The following KCNMB3 variants were observed in gnomAD, a reference collection of about 807,000 sequenced individuals.
KCNMB3 encodes calcium-activated potassium channel subunit beta-3.
KCNMB3 carries 18 observed loss-of-function variants against 11.9 expected under a neutral mutation model. The observed-to-expected ratio is 1.51, with a 90% CI of 1.04 to 2.23. The LOEUF is 2.23. KCNMB3 is among the 30% of genes most tolerant of loss of function. KCNMB3 has a pLI of 0.00. For synonymous variants in KCNMB3, 78 were observed against 119.2 expected, an observed-to-expected ratio of 0.65 and a Z score of 2.25; for missense variants, 247 against 329.4, an observed-to-expected ratio of 0.75 and a Z score of 1.94.
intron 1 of KCNMB3, among the ~76,000 whole-genome samples, chr3:179,263,088 T>G (rs570977268): frequency 6.6e-6 from 1 of 152,290 alleles, no homozygotes; most frequent in East Asian, 1.9e-4. Context: ...TGGGACTGGG[T>G]GCCGTGGAGC....
intron 1 of KCNMB3, among the ~76,000 whole-genome samples, chr3:179,263,199 C>T (rs376315203): frequency 4.6e-5 from 7 of 152,218 alleles, no homozygotes; most frequent in East Asian, 3.9e-4. Flanking sequence ...CCCTGCCCCG[C>T]GGGGAGGCAC....
chr3:179,239,779 T>C (rs1381336919), downstream of KCNMB3: 2 of 418,580 alleles, frequency 4.8e-6, no homozygotes, highest in African/African-American at 4.1e-5. Context: ...TATTTCTCTA[T>C]ATTTTGTCAT....
chr3:179,262,019 C>A (rs899616240), intron 1 of KCNMB3, among the ~76,000 whole-genome samples: 6 of 152,092 alleles, frequency 3.9e-5, no homozygotes, highest in Non-Finnish European at 4.4e-5. Flanking sequence ...TCAATTCACA[C>A]GGAAAATGTA....
upstream of KCNMB3, among the ~76,000 whole-genome samples, chr3:179,255,531 T>C (rs985810992): frequency 6.6e-6 from 1 of 152,136 alleles, no homozygotes; most frequent in South Asian, 2.1e-4. Context: ...AGCCAGAGTA[T>C]AATACAGAGA....
At chr3:179,263,217 C>G (rs1280539802) in intron 1 of KCNMB3, among the ~76,000 whole-genome samples, 1 of 152,238 alleles carries the variant, frequency 6.6e-6, no homozygotes, top group African/African-American at 2.4e-5. Context: ...CACCTAAGGC[C>G]CTGTGAGAAA....
Position 179,243,112 on chromosome 3 carries a change from A to AAGAT in KCNMB3, c.616_619dup (p.Phe207TyrfsTer33), listed in dbSNP as rs1725513392. On this transcript the variant is annotated frameshift_variant, in exon 3 of 3. Transcript: ENST00000392685. LOFTEE classifies it low-confidence loss of function (END_TRUNC). ...CAGTGAAGGCCAAAATAAACAGTGG[A>AAGAT]AGATAGCCATTTGGTCATACTTTTT... is the stretch of plus-strand genomic sequence containing the variant. The AAGAT allele has an allele frequency of 6.5e-7, 1 of 1,545,572 alleles. No individual in the cohort carries two copies. Among genetic ancestry groups the AAGAT allele is most frequent in the Non-Finnish European group, 8.8e-7 (1 of 1,138,638 alleles).
intron 1 of KCNMB3, among the ~76,000 whole-genome samples, chr3:179,258,076 G>A (rs1222011847): frequency 6.6e-6 from 1 of 152,048 alleles, no homozygotes; most frequent in Non-Finnish European, 1.5e-5. Flanking sequence ...CGTAGAGACA[G>A]GGTTTCACCA....
intron 1 of KCNMB3, chr3:179,260,243 C>G: frequency 6.2e-7 from 1 of 1,613,910 alleles, no homozygotes; most frequent in African/African-American, 1.3e-5. Context: ...GAGTTCTGGT[C>G]CTGTCATCTG....
At chr3:179,255,268 G>A (rs185487527), upstream of KCNMB3, among the ~76,000 whole-genome samples, 75 of 151,424 alleles carry the variant, frequency 5.0e-4, no homozygotes, top group Middle Eastern at 3.4e-3. Context: ...ACCACAAAAT[G>A]AGATCCACGA....
chr3:179,254,612 C>T (rs1725951954), upstream of KCNMB3, among the ~76,000 whole-genome samples: 1 of 151,952 alleles, frequency 6.6e-6, no homozygotes, highest in South Asian at 2.1e-4. Flanking sequence ...AGATCGAGAC[C>T]ATCCTGGCCT....
rs757212726 is a variant in KCNMB3, at chr3:179,257,303, T to C, written c.63-6369A>G. ...TATTTCAATTACATAATAACACTTATGTTTTCCTCAAATTTTAATGAGGAT... is the reference window on the plus strand; with the variant it reads ...TATTTCAATTACATAATAACACTTACGTTTTCCTCAAATTTTAATGAGGAT... On this transcript the variant is annotated intron_variant, in intron 1 of 3. Coordinates refer to the KCNMB3 transcript ENST00000349697. Among the ~76,000 whole-genome samples, 38 of 152,252 alleles carry C rather than the reference T, an allele frequency of 2.5e-4. 1 individual carries two copies. The highest frequency in any genetic ancestry group is 1.0e-3 in the South Asian group (5 of 4,830).
intron 1 of KCNMB3, among the ~76,000 whole-genome samples, chr3:179,249,813 A>T (rs1268207984): frequency 2.6e-5 from 4 of 152,244 alleles, no homozygotes; most frequent in Non-Finnish European, 5.9e-5. Flanking sequence ...GTTCTCACTT[A>T]AAAGTGGGAG....
chr3:179,263,368 C>G (rs1042940592), intron 1 of KCNMB3, among the ~76,000 whole-genome samples: 28 of 152,374 alleles, frequency 1.8e-4, no homozygotes, highest in African/African-American at 6.7e-4. Context: ...GCGCACAGCC[C>G]GGGTTCCCGC....
At chr3:179,239,892 AT>A (rs1198669175), downstream of KCNMB3, 7 of 673,782 alleles carry the variant, frequency 1.0e-5, no homozygotes, top group Non-Finnish European at 1.7e-5. Flanking sequence ...AGCAAGATGC[AT>A]GTGTTACTAT....
At chr3:179,245,081 A>C (rs1370070507) in intron 1 of KCNMB3, among the ~76,000 whole-genome samples, 2 of 152,204 alleles carry the variant, frequency 1.3e-5, no homozygotes, top group Non-Finnish European at 2.9e-5. Flanking sequence ...AGGAATCTTT[A>C]ATAGTATTTA....
At position 179,250,606 on chromosome 3, in the gene KCNMB3, G is replaced by C. The variant is rs542157718; in HGVS notation, c.248+137C>G. On this transcript the variant is annotated intron_variant, in intron 1 of 2. Transcript: ENST00000392685. ...TGCCCCCAGCACTGACAGCGGAAGA[G>C]GAATTGTATTTTTCTTTTTCTAGAC... 2.4e-4 allele frequency: 216 copies of C among 897,848 alleles called. 1 individual carries two copies. In the East Asian group the frequency reaches 5.2e-3, roughly 22 times the overall value. 55.6% of individuals were successfully genotyped at this position (897,848 alleles called of 1,614,324 possible).
intron 1 of KCNMB3, chr3:179,260,040 A>G: frequency 6.2e-7 from 1 of 1,612,138 alleles, no homozygotes; most frequent in Non-Finnish European, 8.5e-7. Context: ...ACTATGCCCT[A>G]TGCTTGTCTC....
chr3:179,242,387 C>G (rs1162876001), downstream of KCNMB3: 1 of 129,942 alleles, frequency 7.7e-6, no homozygotes, highest in African/African-American at 3.4e-5. Context: ...GAGCAAAACT[C>G]CATCTCAAAA....
chr3:179,251,460 T>C (rs1030814281), upstream of KCNMB3: 9 of 1,406,824 alleles, frequency 6.4e-6, no homozygotes, highest in East Asian at 5.1e-5. Context: ...CTCAGAATTA[T>C]GAAGTTGTCA....
Sources: allele counts gnomAD v4.1 joint callset (sites outside exome capture counted in the v4.1 genomes callset), GRCh38; gene constraint gnomAD v4.1.1; transcripts MANE v1.5; gene names NCBI Gene and HGNC (gene_info 2026-07-23, HGNC 2026-07-21).